SLC44A5: variants seen among roughly 807,000 people sequenced by gnomAD.
The protein encoded by SLC44A5 is choline transporter-like protein 5.
A neutral mutation model predicts 101.8 loss-of-function variants in SLC44A5; 57 were observed. That is an observed-to-expected ratio of 0.56 (90% CI 0.45 to 0.70). SLC44A5 has a LOEUF of 0.70. Among genes scored for constraint, SLC44A5 ranks in the 30% least tolerant of loss-of-function variants. The pLI, the probability that SLC44A5 is intolerant of heterozygous loss-of-function variation, is 0.00. For synonymous variants in SLC44A5, 281 were observed against 290.9 expected (o/e 0.97, Z 0.35); for missense variants, 737 against 853.1 (o/e 0.86, Z 1.70).
intron 2 of SLC44A5, among the ~76,000 whole-genome samples, chr1:75,524,456 C>T (rs1032907160): frequency 6.6e-6 from 1 of 151,982 alleles, no homozygotes; most frequent in African/African-American, 2.4e-5. Context: ...TTCATAAGAG[C>T]AAATAGATTG....
At chr1:75,229,764 T>C (rs2100550033) in intron 12 of SLC44A5, among the ~76,000 whole-genome samples, 1 of 152,326 alleles carries the variant, frequency 6.6e-6, no homozygotes, top group African/African-American at 2.4e-5. Context: ...CTGTTGTACA[T>C]CAAGAGTCTA....
Position 75,475,352 on chromosome 1 carries a change from G to A in SLC44A5, c.13+66083C>T, listed in dbSNP as rs567050323. Among the ~76,000 whole-genome samples, 7 of 152,316 alleles carry A rather than the reference G, an allele frequency of 4.6e-5. No individual in the cohort carries two copies. In the South Asian group the frequency reaches 1.4e-3, roughly 32 times the overall value. On this transcript the variant is annotated intron_variant, in intron 2 of 23. Coordinates refer to ENST00000370859, the MANE Select transcript of SLC44A5 (RefSeq NM_001130058.2). ...GTATTTGATAGAAATTTCAGTAGAT[G>A]AGCTTTGATATTACCTCTTGTTTTG...
the SLC44A5 span, among the ~76,000 whole-genome samples, chr1:75,633,703 A>G: frequency 2.0e-5 from 3 of 151,556 alleles, no homozygotes; most frequent in Non-Finnish European, 4.4e-5. Flanking sequence ...CTAATTGAAT[A>G]CCCTTTATTT....
At chr1:75,306,903 T>A (rs1654955798) in intron 4 of SLC44A5, among the ~76,000 whole-genome samples, 1 of 151,252 alleles carries the variant, frequency 6.6e-6, no homozygotes, top group Admixed American at 6.6e-5. Context: ...CCCGGCTAAT[T>A]TTTTTTGTAT....
intron 2 of SLC44A5, among the ~76,000 whole-genome samples, chr1:75,443,828 T>A (rs1472850549): frequency 6.6e-6 from 1 of 151,862 alleles, no homozygotes; most frequent in Non-Finnish European, 1.5e-5. Context: ...ATTAATTTTT[T>A]AAGAAAATCT....
At chr1:75,346,042 T>G (rs1397798873) in intron 3 of SLC44A5, among the ~76,000 whole-genome samples, 2 of 152,130 alleles carry the variant, frequency 1.3e-5, no homozygotes, top group Non-Finnish European at 2.9e-5. Context: ...CATCACCTAA[T>G]GATGACAACG....
chr1:75,467,204 T>C (rs1410066003), intron 2 of SLC44A5, among the ~76,000 whole-genome samples: 1 of 152,052 alleles, frequency 6.6e-6, no homozygotes, highest in Non-Finnish European at 1.5e-5. Context: ...TAGATAAATA[T>C]TCCAGGTTCA....
At chr1:75,540,352 T>A (rs1671291720) in intron 2 of SLC44A5, among the ~76,000 whole-genome samples, 1 of 152,196 alleles carries the variant, frequency 6.6e-6, no homozygotes, top group African/African-American at 2.4e-5. Flanking sequence ...AGAGAAAATG[T>A]CCTCTAAGTC....
At chr1:75,326,076 G>A (rs1656567933) in intron 4 of SLC44A5, among the ~76,000 whole-genome samples, 1 of 145,274 alleles carries the variant, frequency 6.9e-6, no homozygotes, top group African/African-American at 2.6e-5. Context: ...TTTTCAGATA[G>A]TGATGTGCTC....
At chr1:75,376,915 G>A (rs1022516782) in intron 3 of SLC44A5, among the ~76,000 whole-genome samples, 3 of 152,168 alleles carry the variant, frequency 2.0e-5, no homozygotes, top group African/African-American at 7.2e-5. Flanking sequence ...AGGCAAAGAA[G>A]TTGAAAACTT....
At chr1:75,331,685 G>C (rs920966582) in intron 4 of SLC44A5, among the ~76,000 whole-genome samples, 3 of 152,110 alleles carry the variant, frequency 2.0e-5, no homozygotes, top group African/African-American at 7.2e-5. Context: ...AACATGCTTA[G>C]CTTGCAGAGC....
At chr1:75,457,973 T>C (rs1035128032) in intron 2 of SLC44A5, among the ~76,000 whole-genome samples, 2 of 152,138 alleles carry the variant, frequency 1.3e-5, no homozygotes, top group East Asian at 3.9e-4. Context: ...ACCCTGAGGA[T>C]ACAAAGACTA....
intron 3 of SLC44A5, among the ~76,000 whole-genome samples, chr1:75,385,308 T>G (rs1661231829): frequency 6.8e-6 from 1 of 147,780 alleles, no homozygotes; most frequent in African/African-American, 2.6e-5. Context: ...GATAGACCGC[T>G]AGCAAGACTA....
chr1:75,695,018 C>T, the SLC44A5 span, among the ~76,000 whole-genome samples: 7 of 152,222 alleles, frequency 4.6e-5, no homozygotes, highest in African/African-American at 1.4e-4. Flanking sequence ...TAACCAGTTT[C>T]TAGAAGAACT....
intron 6 of SLC44A5, among the ~76,000 whole-genome samples, chr1:75,266,482 A>T (rs926057952): frequency 1.3e-5 from 2 of 152,176 alleles, no homozygotes; most frequent in African/African-American, 2.4e-5. Context: ...TGTAACCTAA[A>T]CAGCTTAAGA....
At chr1:75,668,869 C>T in the SLC44A5 span, among the ~76,000 whole-genome samples, 1 of 151,274 alleles carries the variant, frequency 6.6e-6, no homozygotes, top group East Asian at 2.0e-4. Context: ...GTACAACGCA[C>T]CTGTAATCCC....
chr1:75,291,928 C>T (rs938058602), intron 5 of SLC44A5, among the ~76,000 whole-genome samples: 5 of 150,206 alleles, frequency 3.3e-5, no homozygotes, highest in African/African-American at 9.8e-5. Flanking sequence ...AGGAGAATGG[C>T]GTGAACCCGG....
chr1:75,492,432 G>T (rs187161878), intron 2 of SLC44A5, among the ~76,000 whole-genome samples: 28 of 151,968 alleles, frequency 1.8e-4, no homozygotes, highest in Non-Finnish European at 4.0e-4. Context: ...CTGGCAAAAA[G>T]GAAGCACTCA....
At chr1:75,350,305 A>G (rs1658550650) in intron 3 of SLC44A5, among the ~76,000 whole-genome samples, 2 of 150,330 alleles carry the variant, frequency 1.3e-5, no homozygotes, top group South Asian at 4.2e-4. Context: ...CTCAACCAGA[A>G]TCACAAATCA....
Sources: gnomAD v4.1 joint callset for allele counts (sites outside exome capture counted in the v4.1 genomes callset) on GRCh38, gnomAD v4.1.1 for gene constraint, MANE v1.5 for transcripts, NCBI Gene and HGNC (gene_info 2026-07-23, HGNC 2026-07-21) for gene names.